Variants in ENOX2 observed in about 807,000 individuals in gnomAD.
The protein encoded by ENOX2 is APK1 antigen.
A neutral mutation model predicts 45.0 loss-of-function variants in ENOX2; 36 were observed. The observed-to-expected ratio is 0.80, with a 90% confidence interval of 0.61 to 1.06. The LOEUF is 1.06. Among genes scored for constraint, ENOX2 ranks in the 50% least tolerant of loss-of-function variants. The probability of loss-of-function intolerance (pLI) is 0.00; values close to 1 mark genes in which losing one functional copy is unlikely to be tolerated. For synonymous variants in ENOX2, 174 were observed against 152.3 expected (o/e 1.14, Z -1.05); for missense variants, 423 against 462.5 (o/e 0.91, Z 0.78).
At chrX:130,687,329 A>C (rs887872763) in intron 5 of ENOX2, among the ~76,000 whole-genome samples, 1 of 112,325 alleles carries the variant, frequency 8.9e-6, no homozygotes, top group Non-Finnish European at 1.9e-5. Flanking sequence ...TTATGCGATA[A>C]ATGAATGATT....
chrX:130,868,823 C>T (rs2078528986), intron 2 of ENOX2, among the ~76,000 whole-genome samples: 1 of 111,300 alleles, frequency 9.0e-6, no homozygotes, highest in Non-Finnish European at 1.9e-5. Flanking sequence ...CATCTTTTCT[C>T]CCAAATTTAC....
Position 130,786,352 on chromosome X carries a change from A to C in ENOX2, c.-182-2662T>G, listed in dbSNP as rs191632890. Among the ~76,000 whole-genome samples, 431 of 112,274 alleles carry C rather than the reference A, an allele frequency of 3.8e-3. 2 individuals carry two copies. The highest frequency in any genetic ancestry group is 0.013 in the African/African-American group (416 of 30,926). ...TGATGAAAAGGAATGTTCAGGGATT[A>C]GGAGGTTCTGATTAATGACGGTGAA... On this transcript the variant is annotated intron_variant, in intron 2 of 14. Coordinates refer to ENST00000394363, the MANE Select transcript of ENOX2 (RefSeq NM_006375.4).
chrX:130,671,405 G>C (rs1281547838), intron 6 of ENOX2, among the ~76,000 whole-genome samples: 1 of 111,568 alleles, frequency 9.0e-6, no homozygotes, highest in Non-Finnish European at 1.9e-5. Flanking sequence ...TAATAAGAGA[G>C]TTTTTGGGCC....
chrX:130,898,851 T>A (rs1432005154), intron 2 of ENOX2, among the ~76,000 whole-genome samples: 3 of 109,713 alleles, frequency 2.7e-5, no homozygotes, highest in Non-Finnish European at 5.7e-5. Flanking sequence ...GCTCTAGAAG[T>A]TGAAGTGGTA....
intron 2 of ENOX2, among the ~76,000 whole-genome samples, chrX:130,894,926 T>G (rs932204348): frequency 1.8e-5 from 2 of 112,028 alleles, no homozygotes; most frequent in Non-Finnish European, 3.8e-5. Flanking sequence ...ACATAGAGAC[T>G]AGGCAATGCC....
intron 10 of ENOX2, among the ~76,000 whole-genome samples, chrX:130,643,783 A>C (rs2036151644): frequency 8.9e-6 from 1 of 112,277 alleles, no homozygotes; most frequent in African/African-American, 3.2e-5. Context: ...CAGATCCAGC[A>C]AACAGAAATC....
At chrX:130,881,260 C>T (rs766764420) in intron 2 of ENOX2, among the ~76,000 whole-genome samples, 1 of 112,625 alleles carries the variant, frequency 8.9e-6, no homozygotes, top group South Asian at 3.6e-4. Context: ...TTCCATCAGG[C>T]AGCACTGGGT....
Position 130,637,343 on chromosome X carries a change from G to C in ENOX2, c.1197C>G (p.Tyr399Ter). 1 of 1,210,088 alleles carries C rather than the reference G, an allele frequency of 8.3e-7. No homozygotes were observed. Among genetic ancestry groups the C allele is most frequent in the Non-Finnish European group, 1.1e-6 (1 of 894,173 alleles). The change falls in exon 11 of 15, where the codon TAC becomes TAG. Residue 399 changes from tyrosine (Y) to a stop codon, truncating the protein, a stop_gained. Transcript: ENST00000394363. LOFTEE classifies it high-confidence loss of function. ...NDSLRWQLDAYRNEVELLKQE... is the reference protein window; with the variant it reads ...NDSLRWQLDA ...GCTTGAGCAGTTCTACTTCATTCCG[G>C]TAGGCATCGAGCTGCCAACGGAGGC...
At chrX:130,803,112 T>C (rs2077248584) in intron 2 of ENOX2, among the ~76,000 whole-genome samples, 1 of 112,138 alleles carries the variant, frequency 8.9e-6, no homozygotes, top group South Asian at 3.7e-4. Context: ...AAATATTTGT[T>C]GGATCATGTA....
Position 130,842,329 on chromosome X carries a change from T to C in ENOX2, c.-182-58639A>G, listed in dbSNP as rs191846313. Among the ~76,000 whole-genome samples, 8 of 112,891 alleles carry C rather than the reference T, an allele frequency of 7.1e-5. No individual in the cohort carries two copies. The East Asian group carries it at 2.2e-3, about 31-fold the overall frequency. ...AAAATATGCAAGACTTCATTTCTTA[T>C]GTAGCTGATTCCTTTGGCTTATTTA... On this transcript the variant is annotated intron_variant, in intron 2 of 14. Coordinates refer to ENST00000394363, the MANE Select transcript of ENOX2 (RefSeq NM_006375.4).
chrX:130,720,180 C>T (rs1569492927), intron 3 of ENOX2, among the ~76,000 whole-genome samples: 1 of 112,435 alleles, frequency 8.9e-6, no homozygotes, highest in African/African-American at 3.2e-5. Flanking sequence ...GTGCCCTCTC[C>T]CTTTGTGGCT....
chrX:130,692,786 C>T (rs1303391051), intron 4 of ENOX2, among the ~76,000 whole-genome samples: 2 of 105,349 alleles, frequency 1.9e-5, no homozygotes, highest in African/African-American at 6.9e-5. Context: ...GAAGCGGTTT[C>T]ACCATGTTGG....
chrX:130,790,313 T>C (rs1406290109), intron 2 of ENOX2, among the ~76,000 whole-genome samples: 1 of 111,839 alleles, frequency 8.9e-6, no homozygotes, highest in Non-Finnish European at 1.9e-5. Context: ...CCAATTTTCA[T>C]TGGCAGTGAT....
chrX:130,765,324 C>T (rs1018740285), intron 3 of ENOX2, among the ~76,000 whole-genome samples: 1 of 111,126 alleles, frequency 9.0e-6, no homozygotes, highest in Non-Finnish European at 1.9e-5. Flanking sequence ...TACCTCCCTC[C>T]CTCCTCCTAG....
chrX:130,712,791 C>T (rs1221881307), intron 3 of ENOX2, among the ~76,000 whole-genome samples: 1 of 111,389 alleles, frequency 9.0e-6, no homozygotes, highest in South Asian at 3.9e-4. Flanking sequence ...CATTCCTGCT[C>T]TAAAGCTTTT....
At chrX:130,714,419 A>G (rs900018578) in intron 3 of ENOX2, among the ~76,000 whole-genome samples, 3 of 111,810 alleles carry the variant, frequency 2.7e-5, no homozygotes, top group East Asian at 2.8e-4. Flanking sequence ...GTTCACTGCT[A>G]AAGTTTTCAC....
intron 2 of ENOX2, among the ~76,000 whole-genome samples, chrX:130,861,132 A>G (rs2078401305): frequency 8.9e-6 from 1 of 111,771 alleles, no homozygotes; most frequent in African/African-American, 3.2e-5. Context: ...AATGTAGGCA[A>G]GGATGTGGAA....
At chrX:130,632,938 C>T (rs760572781) in intron 12 of ENOX2, among the ~76,000 whole-genome samples, 4 of 112,125 alleles carry the variant, frequency 3.6e-5, no homozygotes, top group South Asian at 3.8e-4. Context: ...TTAAATGATA[C>T]GGTAAGCCGT....
intron 2 of ENOX2, among the ~76,000 whole-genome samples, chrX:130,845,454 T>G (rs2078084464): frequency 8.9e-6 from 1 of 112,046 alleles, no homozygotes; most frequent in African/African-American, 3.2e-5. Flanking sequence ...TCCAATAGTT[T>G]TGTTTGTTTG....
Sources: allele counts gnomAD v4.1 joint callset (sites outside exome capture counted in the v4.1 genomes callset), GRCh38; gene constraint gnomAD v4.1.1; transcripts MANE v1.5; gene names NCBI Gene and HGNC (gene_info 2026-07-23, HGNC 2026-07-21).